Variants in CPSF3 observed in about 807,000 individuals in gnomAD.
CPSF3 encodes the protein cleavage and polyadenylation specificity factor subunit 3.
In CPSF3, 57 loss-of-function variants were observed where a neutral mutation model predicts 84.1. That is an observed-to-expected ratio of 0.68 (90% confidence interval 0.55 to 0.85). CPSF3 has a LOEUF of 0.85. Ranked by LOEUF, CPSF3 falls within the 40% of genes least tolerant of loss-of-function variation. CPSF3 has a pLI of 0.00. For missense variants in CPSF3, 522 were observed against 838.8 expected (o/e 0.62, Z 4.66); for synonymous variants, 275 against 278.1 (o/e 0.99, Z 0.11).
At chr2:9,469,238 G>C (rs1682080065) in intron 16 of CPSF3, among the ~76,000 whole-genome samples, 1 of 152,046 alleles carries the variant, frequency 6.6e-6, no homozygotes, top group Non-Finnish European at 1.5e-5. Flanking sequence ...CACCCCTTTG[G>C]CAGTCAGGTA....
chr2:9,440,447 C>T, intron 7 of CPSF3, 44 bp from the exon 8 acceptor site: 14 of 1,520,418 alleles, frequency 9.2e-6, no homozygotes, highest in Admixed American at 1.7e-5. Flanking sequence ...AACTGTTTAC[C>T]CCATCTAACA....
In CPSF3 at chr2:9,441,954, G is replaced by A. The variant is rs751048489; in HGVS notation, c.1073G>A (p.Cys358Tyr). Residue 358 changes from cysteine to tyrosine, a missense_variant, in exon 9 of 18, where the codon TGT becomes TAT. Transcript: ENST00000238112. ...AATGGTGTCATTATAGCGGGATACT[G>A]TGTAGAAGGGACACTTGCCAAGGTC... is the stretch of plus-strand genomic sequence containing the variant. ...KRNGVIIAGYCVEGTLAKHIM... is the reference protein window; with the variant it reads ...KRNGVIIAGYYVEGTLAKHIM... The A allele has an allele frequency of 6.2e-7, 1 of 1,613,970 alleles. No homozygotes were observed. The highest frequency in any genetic ancestry group is 8.5e-7 in the Non-Finnish European group (1 of 1,179,958).
At chr2:9,442,508 T>C (rs1235935866) in intron 9 of CPSF3, among the ~76,000 whole-genome samples, 1 of 152,230 alleles carries the variant, frequency 6.6e-6, no homozygotes, top group Non-Finnish European at 1.5e-5. Context: ...ATAATCTTTA[T>C]TACTTTACCT....
At chr2:9,444,660 GT>G (rs1437477283) in intron 10 of CPSF3, among the ~76,000 whole-genome samples, 1 of 27,750 alleles carries the variant, frequency 3.6e-5, no homozygotes. Flanking sequence ...GTGTTTTTTG[GT>G]TTGTTTGTTT....
At chr2:9,456,893 A>C (rs1030321806) in intron 13 of CPSF3, 40 bp from the exon 14 acceptor site, 1 of 1,218,582 alleles carries the variant, frequency 8.2e-7, no homozygotes, top group Admixed American at 2.2e-5. Context: ...GAAGATTATC[A>C]GAAAAGTATA....
intron 15 of CPSF3, among the ~76,000 whole-genome samples, chr2:9,461,954 G>C (rs972713671): frequency 2.0e-5 from 3 of 151,978 alleles, no homozygotes; most frequent in Non-Finnish European, 4.4e-5. Flanking sequence ...TAGGGACGGG[G>C]TTTCTCCATG....
chr2:9,432,436 C>T, intron 4 of CPSF3, 75 bp from the exon 5 acceptor site: 1 of 1,012,690 alleles, frequency 9.9e-7, no homozygotes, highest in Non-Finnish European at 1.3e-6. Context: ...ATGTTATCCA[C>T]AATTTCTTTG....
Position 9,432,412 on chromosome 2 carries a change from A to G in CPSF3, c.342-99A>G, listed in dbSNP as rs926542163. 3.9e-6 allele frequency: 3 copies of G among 777,702 alleles called. No individual in the cohort carries two copies. The Admixed American group carries it at 1.0e-4, about 26-fold the overall frequency. 48.2% of individuals were successfully genotyped at this position (777,702 alleles called of 1,614,324 possible). On this transcript the variant is annotated intron_variant, in intron 4 of 17. Transcript: ENST00000238112. ...GATTCATACAGTATATTTTAAAGAA[A>G]TATCTTCATGGAGATGTTATCCACA... is the stretch of plus-strand genomic sequence containing the variant.
At chr2:9,425,860 AT>A (rs1005978905) in intron 1 of CPSF3, among the ~76,000 whole-genome samples, 4 of 152,244 alleles carry the variant, frequency 2.6e-5, no homozygotes, top group Middle Eastern at 3.4e-3. Context: ...ATTCCAGCAC[AT>A]TTTCATCACT....
Position 9,467,747 on chromosome 2 carries a change from T to G in CPSF3, c.1827T>G (p.Val609=). 1.2e-6 allele frequency: 2 copies of G among 1,613,848 alleles called. No individual in the cohort carries two copies. The highest frequency in any genetic ancestry group is 1.7e-6 in the Non-Finnish European group (2 of 1,179,806). ...TTTCTAAAAAATTAGAAATGCACGT[T>G]TACAGCAAGAGGTTGGAGATCATGC... ...QKVSKKLEMH[V]YSKRLEIMLQ... is the part of the protein sequence containing the mutation. The change falls in exon 16 of 18, where the codon GTT becomes GTG. Residue 609 remains valine (V), a synonymous_variant. Coordinates refer to ENST00000238112, the MANE Select transcript of CPSF3 (RefSeq NM_016207.4).
At chr2:9,472,833 GT>G in intron 17 of CPSF3, 82 bp from the exon 18 acceptor site, 10 of 987,978 alleles carry the variant, frequency 1.0e-5, no homozygotes, top group Middle Eastern at 2.8e-4. Context: ...TGAGATGATG[GT>G]TTTTTTAAAG....
At chr2:9,440,865 A>C (rs1432960678) in intron 8 of CPSF3, among the ~76,000 whole-genome samples, 199 bp downstream of exon 8, 1 of 152,278 alleles carries the variant, frequency 6.6e-6, no homozygotes, top group East Asian at 1.9e-4. Context: ...AAATAAAATA[A>C]AAATCGTAGG....
At chr2:9,429,569 G>A (rs1019314946) in intron 2 of CPSF3, among the ~76,000 whole-genome samples, 3 of 152,038 alleles carry the variant, frequency 2.0e-5, no homozygotes, top group Non-Finnish European at 4.4e-5. Flanking sequence ...ATCTTCTCAC[G>A]AGAGTCGATC....
chr2:9,473,087 C>A lies in CPSF3; in HGVS notation c.*70C>A. The A allele has an allele frequency of 1.8e-6, 2 of 1,099,780 alleles. No individual in the cohort carries two copies. Among genetic ancestry groups the A allele is most frequent in the South Asian group, 1.3e-5 (1 of 75,700 alleles). The allele number at this position is 1,099,780 out of a possible 1,614,324, so 68.1% of individuals were successfully genotyped here. On this transcript the variant is annotated 3_prime_UTR_variant, in exon 18 of 18. Transcript: ENST00000238112. ...TTTGTTACCTAAAATAAAATGCATT[C>A]GTTTCTCTGGGGGAGCCTGTTTACT...
intron 15 of CPSF3, among the ~76,000 whole-genome samples, chr2:9,462,358 T>G (rs1286902972): frequency 6.6e-6 from 1 of 152,244 alleles, no homozygotes; most frequent in Non-Finnish European, 1.5e-5. Context: ...ATTGATATAC[T>G]TTTCTGAAAA....
intron 13 of CPSF3, 58 bp from the exon 14 acceptor site, chr2:9,456,875 G>A: frequency 9.7e-7 from 1 of 1,027,740 alleles, no homozygotes; most frequent in Non-Finnish European, 1.4e-6. Flanking sequence ...ACAAACGAAT[G>A]GTCTCTGGAA....
chr2:9,432,932 A>T (rs539578015), intron 5 of CPSF3, among the ~76,000 whole-genome samples: 1 of 152,348 alleles, frequency 6.6e-6, no homozygotes, highest in South Asian at 2.1e-4. Context: ...AGTAAAATAA[A>T]CATCTCAAAA....
chr2:9,469,540 A>T (rs981227637), intron 16 of CPSF3, among the ~76,000 whole-genome samples: 2 of 152,138 alleles, frequency 1.3e-5, no homozygotes, highest in Non-Finnish European at 2.9e-5. Flanking sequence ...GCTGGTCCTC[A>T]GGAGCCGTGG....
intron 13 of CPSF3, 94 bp from the exon 14 acceptor site, chr2:9,456,839 C>T: frequency 1.5e-6 from 1 of 674,640 alleles, no homozygotes; most frequent in Non-Finnish European, 2.4e-6. Context: ...AATTGTGTAG[C>T]TGCTTTATTT....
Sources: gnomAD v4.1 joint callset for allele counts (sites outside exome capture counted in the v4.1 genomes callset) on GRCh38, gnomAD v4.1.1 for gene constraint, MANE v1.5 for transcripts, NCBI Gene and HGNC (gene_info 2026-07-23, HGNC 2026-07-21) for gene names.